PATJ: variants seen among roughly 807,000 people sequenced by gnomAD.
PATJ encodes the protein inaD-like protein.
A neutral mutation model predicts 224.9 loss-of-function variants in PATJ; 190 were observed. The observed-to-expected ratio is 0.84, with a 90% confidence interval of 0.75 to 0.95. PATJ has a LOEUF of 0.95. Ranked by LOEUF, PATJ falls within the 40% of genes least tolerant of loss-of-function variation. The pLI, the probability that PATJ is intolerant of heterozygous loss-of-function variation, is 0.00. For synonymous variants in PATJ, 769 were observed against 820.3 expected, an observed-to-expected ratio of 0.94 and a Z score of 1.07; for missense variants, 2,121 against 2,270.3, an observed-to-expected ratio of 0.93 and a Z score of 1.34.
intron 28 of PATJ, among the ~76,000 whole-genome samples, chr1:62,004,388 A>T (rs1645969747): frequency 6.6e-6 from 1 of 152,122 alleles, no homozygotes; most frequent in Non-Finnish European, 1.5e-5. Context: ...TTATACTTTT[A>T]TTGGAATATT....
chr1:61,998,410 A>G (rs1202452934), intron 28 of PATJ, among the ~76,000 whole-genome samples: 1 of 151,682 alleles, frequency 6.6e-6, no homozygotes, highest in Admixed American at 6.6e-5. Flanking sequence ...TATTTGTTGT[A>G]GAGTCAAAGT....
intron 31 of PATJ, among the ~76,000 whole-genome samples, chr1:62,065,688 C>G (rs1656290266): frequency 6.6e-6 from 1 of 152,174 alleles, no homozygotes; most frequent in African/African-American, 2.4e-5. Context: ...AATGTGGAGA[C>G]TGATTCAACT....
At chr1:61,947,033 ACT>A (rs1678837449) in intron 27 of PATJ, among the ~76,000 whole-genome samples, 2 of 152,172 alleles carry the variant, frequency 1.3e-5, no homozygotes, top group South Asian at 4.2e-4. Context: ...CATGCTAAAA[ACT>A]CTCAATAAAC....
chr1:62,107,952 C>T (rs1455819877), intron 33 of PATJ, among the ~76,000 whole-genome samples: 1 of 152,140 alleles, frequency 6.6e-6, no homozygotes, highest in Non-Finnish European at 1.5e-5. Flanking sequence ...AATGCTGTTT[C>T]CCCTGCTCCT....
At chr1:61,820,645 A>G (rs114220424) in intron 14 of PATJ, among the ~76,000 whole-genome samples, 1 of 152,318 alleles carries the variant, frequency 6.6e-6, no homozygotes, top group East Asian at 1.9e-4. Context: ...CCCGGCCTAC[A>G]TTTATTTTTA....
At chr1:61,788,061 C>A in intron 8 of PATJ, 89 bp downstream of exon 8, 2 of 1,044,906 alleles carry the variant, frequency 1.9e-6, no homozygotes, top group Non-Finnish European at 2.8e-6. Context: ...TGAAGCACCA[C>A]ATTGGTGTGA....
intron 20 of PATJ, among the ~76,000 whole-genome samples, chr1:61,873,930 A>G (rs1027711874): frequency 3.3e-5 from 5 of 152,126 alleles, no homozygotes; most frequent in African/African-American, 1.2e-4. Context: ...GGATGTGAAA[A>G]TCTGCTTGCG....
At chr1:61,970,286 A>C (rs1682778286) in intron 27 of PATJ, among the ~76,000 whole-genome samples, 1 of 151,568 alleles carries the variant, frequency 6.6e-6, no homozygotes, top group Non-Finnish European at 1.5e-5. Flanking sequence ...AGAGTTCCCA[A>C]TACCTCCCCC....
intron 17 of PATJ, among the ~76,000 whole-genome samples, chr1:61,842,868 T>A (rs1178098503): frequency 1.3e-5 from 2 of 152,132 alleles, no homozygotes; most frequent in African/African-American, 4.8e-5. Flanking sequence ...GTTCTGGAGT[T>A]CCCAGTTGAG....
At chr1:62,035,757 C>A (rs1650274317) in intron 29 of PATJ, among the ~76,000 whole-genome samples, 2 of 151,784 alleles carry the variant, frequency 1.3e-5, no homozygotes, top group African/African-American at 4.8e-5. Context: ...AGATTTGGAG[C>A]AAATGTTCAC....
chr1:61,869,268 G>T (rs988911679), intron 20 of PATJ, among the ~76,000 whole-genome samples: 4 of 150,722 alleles, frequency 2.7e-5, no homozygotes, highest in Non-Finnish European at 5.9e-5. Flanking sequence ...CACTACGCCC[G>T]GCTAATTTTT....
chr1:61,984,573 AG>A, intron 27 of PATJ, among the ~76,000 whole-genome samples: 1 of 152,166 alleles, frequency 6.6e-6, no homozygotes, highest in African/African-American at 2.4e-5. Context: ...AAAGAAATTA[AG>A]GAAAGCTGAA....
intron 27 of PATJ, among the ~76,000 whole-genome samples, chr1:61,937,400 T>A (rs1362764017): frequency 2.6e-5 from 4 of 152,084 alleles, no homozygotes; most frequent in Non-Finnish European, 5.9e-5. Flanking sequence ...TATAGAAAAT[T>A]AGGAAACTTT....
Position 62,163,042 on chromosome 1 carries a change from C to A in PATJ, c.*1988C>A. On this transcript the variant is annotated 3_prime_UTR_variant, in exon 44 of 44. Transcript: ENST00000642238. Reference sequence around the variant, plus strand: ...ACAACACAATGCTGCAAATATTTCACAGTAATTATCAAAATTTAATGGGCT... The same window carrying A: ...ACAACACAATGCTGCAAATATTTCAAAGTAATTATCAAAATTTAATGGGCT... 1 of 220,922 alleles carries A rather than the reference C, an allele frequency of 4.5e-6. No homozygotes were observed. Among genetic ancestry groups the A allele is most frequent in the Non-Finnish European group, 9.5e-6 (1 of 104,966 alleles). The allele number at this position is 220,922 out of a possible 1,614,324, so 13.7% of individuals were successfully genotyped here.
intron 33 of PATJ, among the ~76,000 whole-genome samples, chr1:62,090,666 TTTC>T (rs1213332831): frequency 6.6e-6 from 1 of 152,214 alleles, no homozygotes; most frequent in Non-Finnish European, 1.5e-5. Context: ...CAGTCCATCC[TTTC>T]TTCCTGTCTT....
intron 1 of PATJ, among the ~76,000 whole-genome samples, chr1:61,744,397 ACC>A (rs1644920180): frequency 6.6e-6 from 1 of 151,756 alleles, no homozygotes; most frequent in Non-Finnish European, 1.5e-5. Context: ...CCTTCTTGAG[ACC>A]GATCTTTATC....
At chr1:62,095,117 G>A (rs1011043929) in intron 33 of PATJ, among the ~76,000 whole-genome samples, 5 of 152,254 alleles carry the variant, frequency 3.3e-5, no homozygotes, top group African/African-American at 1.2e-4. Flanking sequence ...CAAACACTGT[G>A]TATCTTCAAA....
intron 28 of PATJ, among the ~76,000 whole-genome samples, chr1:62,002,709 CAAAAAAAA>C (rs766357883): frequency 0.032 from 3,645 of 112,760 alleles, 152 homozygotes; most frequent in African/African-American, 0.11. Flanking sequence ...AACTCTGTCT[CAAAAAAAA>C]AAAAAAAAAA....
chr1:61,881,575 C>G (rs1048997445), intron 21 of PATJ, among the ~76,000 whole-genome samples: 1 of 151,892 alleles, frequency 6.6e-6, no homozygotes, highest in African/African-American at 2.4e-5. Flanking sequence ...CCACGCCTGG[C>G]TAATTTTTGT....
Sources: allele counts gnomAD v4.1 joint callset (sites outside exome capture counted in the v4.1 genomes callset), GRCh38; gene constraint gnomAD v4.1.1; transcripts MANE v1.5; gene names NCBI Gene and HGNC (gene_info 2026-07-23, HGNC 2026-07-21).